LMNTD1: variants seen among roughly 807,000 people sequenced by gnomAD.
LMNTD1 encodes the protein lamin tail domain containing 1.
LMNTD1 carries 35 observed loss-of-function variants against 50.9 expected under a neutral mutation model. That is an observed-to-expected ratio of 0.69 (90% CI 0.53 to 0.91). The LOEUF is 0.91. Among genes scored for constraint, LMNTD1 ranks in the 40% least tolerant of loss-of-function variants. The probability of loss-of-function intolerance (pLI) is 0.00; values close to 1 mark genes in which losing one functional copy is unlikely to be tolerated. For missense variants in LMNTD1, 470 were observed against 475.5 expected (o/e 0.99, Z 0.11); for synonymous variants, 153 against 161.9 (o/e 0.94, Z 0.42).
intron 1 of LMNTD1, among the ~76,000 whole-genome samples, chr12:25,620,697 T>C (rs1406493888): frequency 6.6e-6 from 1 of 152,170 alleles, no homozygotes; most frequent in Non-Finnish European, 1.5e-5. Context: ...AGTGCTAAAC[T>C]GAGCACCGCA....
At chr12:25,564,145 T>C (rs910461472) in intron 1 of LMNTD1, among the ~76,000 whole-genome samples, 2 of 150,014 alleles carry the variant, frequency 1.3e-5, no homozygotes, top group African/African-American at 5.1e-5. Context: ...GCACCCACTG[T>C]CTGACAAGCC....
chr12:25,549,349 C>CA lies in LMNTD1; in HGVS notation c.286dup (p.Cys96LeufsTer21), dbSNP rs1943620336. 6.2e-7 allele frequency: 1 copy of CA among 1,608,148 alleles called. No homozygotes were observed. The highest frequency in any genetic ancestry group is 8.5e-7 in the Non-Finnish European group (1 of 1,176,104). On this transcript the variant is annotated frameshift_variant, in exon 3 of 10. Coordinates refer to ENST00000458174, the MANE Select transcript of LMNTD1 (RefSeq NM_001145728.2). LOFTEE classifies it high-confidence loss of function. ...ACCCAAGCTGTTTTCCACTCTGGAA[C>CA]AGCTACCTACAGTAGCTTTAGAAGT... is the stretch of plus-strand genomic sequence containing the variant.
chr12:25,573,592 C>T (rs1944885098), intron 1 of LMNTD1, among the ~76,000 whole-genome samples: 1 of 152,146 alleles, frequency 6.6e-6, no homozygotes, highest in Admixed American at 6.5e-5. Context: ...GGGTGTTCAG[C>T]TGGTCCTTTT....
At chr12:25,486,937 G>A (rs1938665520) in intron 9 of LMNTD1, among the ~76,000 whole-genome samples, 1 of 152,134 alleles carries the variant, frequency 6.6e-6, no homozygotes, top group South Asian at 2.1e-4. Context: ...TTGCATCAAT[G>A]TTCATCAAGG....
At chr12:25,603,501 T>G (rs770659890) in intron 1 of LMNTD1, among the ~76,000 whole-genome samples, 29 of 152,016 alleles carry the variant, frequency 1.9e-4, no homozygotes, top group Admixed American at 5.9e-4. Context: ...TATTATTAAT[T>G]AGGAAATAAG....
At chr12:25,560,749 T>A (rs541995274) in intron 1 of LMNTD1, among the ~76,000 whole-genome samples, 42 of 151,884 alleles carry the variant, frequency 2.8e-4, no homozygotes, top group Admixed American at 6.6e-4. Flanking sequence ...CTCCTTCACA[T>A]CCCTTATAAG....
At chr12:25,488,912 TG>T (rs529961562) in intron 9 of LMNTD1, among the ~76,000 whole-genome samples, 1 of 152,192 alleles carries the variant, frequency 6.6e-6, no homozygotes, top group South Asian at 2.1e-4. Context: ...GTGCCCCTGC[TG>T]GGGGGTGCCT....
chr12:25,527,604 TAAC>T (rs1163667163), intron 4 of LMNTD1, among the ~76,000 whole-genome samples: 4 of 134,530 alleles, frequency 3.0e-5, no homozygotes, highest in African/African-American at 1.1e-4. Flanking sequence ...CCAATAATAA[TAAC>T]AATACCACTT....
chr12:25,592,145 G>A (rs1945719342), intron 1 of LMNTD1, among the ~76,000 whole-genome samples: 1 of 152,158 alleles, frequency 6.6e-6, no homozygotes, highest in Non-Finnish European at 1.5e-5. Flanking sequence ...AGACACTGAA[G>A]AATATCTACA....
At chr12:25,639,817 T>C (rs1161390097) in intron 1 of LMNTD1, among the ~76,000 whole-genome samples, 1 of 152,098 alleles carries the variant, frequency 6.6e-6, no homozygotes, top group Non-Finnish European at 1.5e-5. Context: ...ACAATAAATA[T>C]AAAAACACAT....
chr12:25,494,766 G>A (rs181068353), intron 9 of LMNTD1, among the ~76,000 whole-genome samples: 1 of 152,170 alleles, frequency 6.6e-6, no homozygotes, highest in African/African-American at 2.4e-5. Context: ...TGTATACATT[G>A]TGAAATGATT....
chr12:25,633,553 T>C (rs1458230389), intron 1 of LMNTD1, among the ~76,000 whole-genome samples: 5 of 152,106 alleles, frequency 3.3e-5, no homozygotes, highest in African/African-American at 1.2e-4. Flanking sequence ...ACAAGGAAAT[T>C]AAATAACCTG....
chr12:25,488,287 G>T (rs960549785), intron 9 of LMNTD1, among the ~76,000 whole-genome samples: 2 of 123,176 alleles, frequency 1.6e-5, no homozygotes, highest in African/African-American at 2.9e-5. Context: ...ACGTAGATTT[G>T]GTCTTTTCAC....
At chr12:25,639,607 T>C (rs1056845617) in intron 1 of LMNTD1, among the ~76,000 whole-genome samples, 3 of 152,210 alleles carry the variant, frequency 2.0e-5, no homozygotes, top group Non-Finnish European at 4.4e-5. Context: ...TAAGATCCTG[T>C]TCTCAAACAC....
At chr12:25,626,089 A>G (rs2136579986) in intron 1 of LMNTD1, among the ~76,000 whole-genome samples, 1 of 152,322 alleles carries the variant, frequency 6.6e-6, no homozygotes, top group South Asian at 2.1e-4. Flanking sequence ...TCTGTTTGAA[A>G]GTGTATGACA....
chr12:25,523,979 A>G (rs1941528416), intron 6 of LMNTD1, among the ~76,000 whole-genome samples: 1 of 152,202 alleles, frequency 6.6e-6, no homozygotes, highest in African/African-American at 2.4e-5. Context: ...TAGTATGAGA[A>G]GTAGGGCAGT....
In LMNTD1 at chr12:25,644,268, G is replaced by C. The variant is rs570653288; in HGVS notation, c.58+4226C>G. On this transcript the variant is annotated intron_variant, in intron 1 of 7. Coordinates refer to the LMNTD1 transcript ENST00000445693. ...AGGCAGGAGGATCACTTGAGCCCAG[G>C]AGTTCAAGAGCAGAATGGGCAACAT... is the stretch of plus-strand genomic sequence containing the variant. Among the ~76,000 whole-genome samples the C allele has an allele frequency of 4.6e-5, 6 of 131,158 alleles. No homozygotes were observed. In the East Asian group the frequency reaches 1.3e-3, roughly 29 times the overall value. The allele number at this position is 131,158 out of a possible 152,430, so 86.0% of individuals were successfully genotyped here. A position where few individuals can be genotyped will look rare whatever the true frequency, so the allele number is the denominator to read the frequency against.
chr12:25,623,515 T>C lies in LMNTD1; in HGVS notation c.58+24979A>G, dbSNP rs151147248. On this transcript the variant is annotated intron_variant, in intron 1 of 7. Transcript: ENST00000445693. ...ATTGCAGTGAGCCAAGATTGCGCCA[T>C]TGCACTCCAGCCTGGGTGATAGAGC... is the stretch of plus-strand genomic sequence containing the variant. 3.2e-3 allele frequency among the ~76,000 whole-genome samples: 396 copies of C among 124,558 alleles called. 1 individual carries two copies. The highest frequency in any genetic ancestry group is 0.011 in the African/African-American group (372 of 32,356). 81.7% of individuals were successfully genotyped at this position (124,558 alleles called of 152,430 possible). A position where few individuals can be genotyped will look rare whatever the true frequency, so the allele number is the denominator to read the frequency against.
chr12:25,492,111 C>T (rs1591823542), intron 9 of LMNTD1, among the ~76,000 whole-genome samples: 1 of 152,158 alleles, frequency 6.6e-6, no homozygotes, highest in Admixed American at 6.5e-5. Context: ...CTAAATGGTG[C>T]AGCATTTTGG....
Sources: gnomAD v4.1 joint callset for allele counts (sites outside exome capture counted in the v4.1 genomes callset) on GRCh38, gnomAD v4.1.1 for gene constraint, MANE v1.5 for transcripts, NCBI Gene and HGNC (gene_info 2026-07-23, HGNC 2026-07-21) for gene names.